ST6GALNAC1: variants seen among roughly 807,000 people sequenced by gnomAD.
ST6GALNAC1 encodes the protein alpha-N-acetylgalactosaminide alpha-2,6-sialyltransferase 1.
In ST6GALNAC1, 45 loss-of-function variants were observed where a neutral mutation model predicts 56.8. That is an observed-to-expected ratio of 0.79 (90% CI 0.62 to 1.02). The LOEUF (loss-of-function observed/expected upper bound fraction) is 1.02, where lower values mean the gene tolerates loss of function less well. Ranked by LOEUF, ST6GALNAC1 falls within the 50% of genes least tolerant of loss-of-function variation. The pLI is 0.00. For missense variants in ST6GALNAC1, 743 were observed against 754.8 expected, an observed-to-expected ratio of 0.98 and a Z score of 0.18; for synonymous variants, 295 against 297.8, an observed-to-expected ratio of 0.99 and a Z score of 0.10.
intron 1 of ST6GALNAC1, chr17:76,641,885 G>A (rs1248828541): frequency 6.6e-6 from 1 of 152,054 alleles, no homozygotes; most frequent in East Asian, 1.9e-4. Context: ...CCATGATATA[G>A]TGTGACTTAC....
chr17:76,620,477 T>TC (rs2075728637), downstream of ST6GALNAC1, among the ~76,000 whole-genome samples: 1 of 152,184 alleles, frequency 6.6e-6, no homozygotes. Context: ...TGCCACTGCC[T>TC]CTGCTGACCC....
In ST6GALNAC1 at chr17:76,637,821, G is replaced by GAAAAT. The variant is rs2075997922; in HGVS notation, c.131+5682_131+5686dup. 3 of 397,832 alleles carry GAAAAT rather than the reference G, an allele frequency of 7.5e-6. No individual in the cohort carries two copies. The Admixed American group carries it at 1.3e-4, about 18-fold the overall frequency. The allele number at this position is 397,832 out of a possible 1,614,324, so 24.6% of individuals were successfully genotyped here. On this transcript the variant is annotated intron_variant, in intron 1 of 8. Coordinates refer to ENST00000156626, the MANE Select transcript of ST6GALNAC1 (RefSeq NM_018414.5). ...CAGAATCAGAAATCAGGAGGTGATA[G>GAAAAT]AAAATAAAGTTCTGTTCTTTTCTTT...
downstream of ST6GALNAC1, among the ~76,000 whole-genome samples, chr17:76,623,969 G>A (rs2075764607): frequency 1.3e-5 from 2 of 152,228 alleles, no homozygotes; most frequent in African/African-American, 4.8e-5. Context: ...GTTGTGACTA[G>A]AGCTTTGTGG....
In ST6GALNAC1 at chr17:76,626,037, G is replaced by A. The variant is rs569353015; in HGVS notation, c.1474C>T (p.His492Tyr). The A allele has an allele frequency of 1.2e-6, 2 of 1,614,200 alleles. No individual in the cohort carries two copies. The highest frequency in any genetic ancestry group is 2.7e-5 in the African/African-American group (2 of 75,060). Residue 492 changes from histidine to tyrosine, a missense_variant, in exon 7 of 9, where the codon CAC (histidine) becomes TAC (tyrosine). Physicochemically the swap from His to Tyr is moderately conservative, Grantham distance 83. Coordinates refer to ENST00000156626, the MANE Select transcript of ST6GALNAC1 (RefSeq NM_018414.5). ...ALHMDRYLLL[H>Y]PDFLRYMKNR... is the part of the protein sequence containing the mutation. ...TTCATGTATCGGAGAAAGTCTGGGTGCAGCAACAGGTACCTGTCCATGTGC... is the reference window on the plus strand; with the variant it reads ...TTCATGTATCGGAGAAAGTCTGGGTACAGCAACAGGTACCTGTCCATGTGC...
chr17:76,641,933 A>G (rs892287189), intron 1 of ST6GALNAC1: 1 of 151,442 alleles, frequency 6.6e-6, no homozygotes, highest in Non-Finnish European at 1.5e-5. Context: ...CATGAGATAC[A>G]TATATATGTA....
At chr17:76,622,251 A>ATT (rs2075749137), downstream of ST6GALNAC1, among the ~76,000 whole-genome samples, 1 of 67,232 alleles carries the variant, frequency 1.5e-5, no homozygotes, top group African/African-American at 3.9e-5. Context: ...AAAGTCCTTT[A>ATT]CTATATATAT....
intron 4 of ST6GALNAC1, 79 bp from the exon 5 acceptor site, chr17:76,626,868 G>A: frequency 7.0e-6 from 11 of 1,570,928 alleles, no homozygotes; most frequent in Non-Finnish European, 9.6e-6. Context: ...AAAGGAAGGA[G>A]AAATGGGGGA....
intron 1 of ST6GALNAC1, among the ~76,000 whole-genome samples, chr17:76,641,006 G>A (rs1040248691): frequency 1.3e-5 from 2 of 152,196 alleles, no homozygotes; most frequent in South Asian, 2.1e-4. Flanking sequence ...TGTGGCCAGT[G>A]AGCCTTATCT....
Position 76,627,234 on chromosome 17 carries a change from C to T in ST6GALNAC1, c.1005G>A (p.Val335=). 7.0e-6 allele frequency: 11 copies of T among 1,563,570 alleles called. No homozygotes were observed. Among genetic ancestry groups the T allele is most frequent in the Non-Finnish European group, 8.7e-6 (10 of 1,155,220 alleles). Residue 335 remains valine (V), a synonymous_variant, in exon 4 of 9, where the codon GTG becomes GTA. Coordinates refer to ENST00000156626, the MANE Select transcript of ST6GALNAC1 (RefSeq NM_018414.5). This position sits in a 1 kb window ranked among gnomAD's most constrained non-coding sequence, Gnocchi z 4.4. ...FGFMELNYSL[V]QKVVTRFPPV... ...GAGGGAAGCGTGTCACGACCTTCTG[C>T]ACCACTGGAACAAGAGTGGGGGTGC...
chr17:76,642,603 A>G (rs184406979), intron 1 of ST6GALNAC1, among the ~76,000 whole-genome samples: 21 of 152,094 alleles, frequency 1.4e-4, no homozygotes, highest in Non-Finnish European at 2.9e-4. Context: ...ACTCTATGAG[A>G]ACCTGCATTA....
At chr17:76,637,272 T>TAAAAAAAAAAAAAAA (rs771644279) in intron 1 of ST6GALNAC1, among the ~76,000 whole-genome samples, 9 of 18,180 alleles carry the variant, frequency 5.0e-4, no homozygotes, top group African/African-American at 1.6e-3. Context: ...CAATAAATAC[T>TAAAAAAAAAAAAAAA]AAAAAAAAAA....
In ST6GALNAC1 at chr17:76,625,465, T is replaced by C. The variant is rs757073017; in HGVS notation, c.1668A>G (p.Thr556=). The change falls in exon 9 of 9, where the codon ACA becomes ACG. Residue 556 remains threonine (T), a synonymous_variant. Transcript: ENST00000156626. ...TGTAAAAGATCAGCCGCTTCCATGA[T>C]GTATCATAGTAGTGATCAGAAAAGC... is the stretch of plus-strand genomic sequence containing the variant. ...HERFSDHYYD[T]SWKRLIFYIN... 2 of 1,614,202 alleles carry C rather than the reference T, an allele frequency of 1.2e-6. No homozygotes were observed. The highest frequency in any genetic ancestry group is 2.2e-5 in the South Asian group (2 of 91,086).
At chr17:76,636,760 C>CACCAA (rs1314669880) in intron 1 of ST6GALNAC1, among the ~76,000 whole-genome samples, 2 of 152,302 alleles carry the variant, frequency 1.3e-5, no homozygotes, top group East Asian at 3.9e-4. Context: ...GCCACCCCAT[C>CACCAA]TGGGAGGTGT....
At position 76,625,367 on chromosome 17, in the gene ST6GALNAC1, T is replaced by C. The variant is rs1339162333; in HGVS notation, c.1766A>G (p.Gln589Arg). Residue 589 changes from glutamine to arginine, a missense_variant, in exon 9 of 9, where the codon CAG (glutamine) becomes CGG (arginine). Physicochemically the swap from Gln to Arg is conservative, Grantham distance 43. Transcript: ENST00000156626. ...TTTGGCAGTTCCGGGACCAGGACGC[T>C]GGTACAGCCGGATTATCCCTTCATC... ...LHDEGIIRLYQRPGPGTAKAK... is the reference protein window; with the variant it reads ...LHDEGIIRLYRRPGPGTAKAK... The C allele has an allele frequency of 6.2e-7, 1 of 1,613,986 alleles. No individual in the cohort carries two copies. The highest frequency in any genetic ancestry group is 8.5e-7 in the Non-Finnish European group (1 of 1,180,038).
chr17:76,639,876 C>G (rs1411242803), intron 1 of ST6GALNAC1, among the ~76,000 whole-genome samples: 2 of 151,880 alleles, frequency 1.3e-5, no homozygotes, highest in South Asian at 2.1e-4. Context: ...GAAAACTCCT[C>G]TTTTTTCAAG....
chr17:76,637,976 T>C (rs1356620140), intron 1 of ST6GALNAC1, among the ~76,000 whole-genome samples: 1 of 151,890 alleles, frequency 6.6e-6, no homozygotes, highest in African/African-American at 2.4e-5. Context: ...ATTACATGCA[T>C]GTGCCACCGT....
intron 1 of ST6GALNAC1, among the ~76,000 whole-genome samples, chr17:76,639,124 A>G (rs2076013745): frequency 6.6e-6 from 1 of 152,148 alleles, no homozygotes; most frequent in South Asian, 2.1e-4. Context: ...GAATTTACTC[A>G]AGTTAACTCC....
At chr17:76,630,403 T>G (rs1037737744) in intron 1 of ST6GALNAC1, among the ~76,000 whole-genome samples, 1 of 152,152 alleles carries the variant, frequency 6.6e-6, no homozygotes, top group Non-Finnish European at 1.5e-5. Flanking sequence ...CAGCTGACCC[T>G]GGGTGGTATT....
At chr17:76,621,954 T>C (rs1162196513), downstream of ST6GALNAC1, among the ~76,000 whole-genome samples, 1 of 150,182 alleles carries the variant, frequency 6.7e-6, no homozygotes, top group African/African-American at 2.4e-5. Context: ...TTTTTTTTTT[T>C]TTTTGTTGTT....
Sources: allele counts gnomAD v4.1 joint callset (sites outside exome capture counted in the v4.1 genomes callset), GRCh38; gene constraint gnomAD v4.1.1; non-coding constraint Gnocchi (gnomAD v3.1); transcripts MANE v1.5; gene names NCBI Gene and HGNC (gene_info 2026-07-23, HGNC 2026-07-21).